Variants in CDKN3 observed in about 807,000 individuals in gnomAD.
CDKN3 encodes cyclin-dependent kinase inhibitor 3.
A neutral mutation model predicts 36.1 loss-of-function variants in CDKN3; 19 were observed. The observed-to-expected ratio is 0.53, with a 90% confidence interval of 0.37 to 0.77. The LOEUF (loss-of-function observed/expected upper bound fraction) is 0.77, where lower values mean the gene tolerates loss of function less well. CDKN3 is among the 30% of genes least tolerant of loss of function. The pLI is 0.00. For synonymous variants in CDKN3, 71 were observed against 85.3 expected, an observed-to-expected ratio of 0.83 and a Z score of 0.92; for missense variants, 188 against 248.6, an observed-to-expected ratio of 0.76 and a Z score of 1.64.
chr14:54,407,825 CT>C (rs1309598821), intron 3 of CDKN3, among the ~76,000 whole-genome samples: 1 of 152,222 alleles, frequency 6.6e-6, no homozygotes, highest in African/African-American at 2.4e-5. Context: ...ACTCAGCTCC[CT>C]GGCTTCAGCC....
At chr14:54,405,932 T>C (rs894067681) in intron 3 of CDKN3, among the ~76,000 whole-genome samples, 2 of 152,218 alleles carry the variant, frequency 1.3e-5, no homozygotes, top group Admixed American at 6.5e-5. Flanking sequence ...CTTCATAGCG[T>C]TGATGGTCTT....
chr14:54,405,205 CTGTT>C (rs2030114117), intron 3 of CDKN3, among the ~76,000 whole-genome samples: 1 of 152,064 alleles, frequency 6.6e-6, no homozygotes, highest in African/African-American at 2.4e-5. Flanking sequence ...GTCTGAGGGA[CTGTT>C]TGTTATGATT....
chr14:54,400,063 A>G (rs1886430996), intron 2 of CDKN3, 87 bp downstream of exon 2: 10 of 735,410 alleles, frequency 1.4e-5, no homozygotes, highest in Non-Finnish European at 2.5e-5. Context: ...TCTTAGTAGA[A>G]TGTAGTTCAC....
Position 54,417,871 on chromosome 14 carries a change from C to T in CDKN3, c.472C>T (p.Leu158=). Reference sequence around the variant, plus strand: ...AGTAGCTGCTTGTCTCCTACTATACCTGTCTGACACAATATCACCAGAGCA... The same window carrying T: ...AGTAGCTGCTTGTCTCCTACTATACTTGTCTGACACAATATCACCAGAGCA... ...CLVAACLLLY[L]SDTISPEQAI... The change falls in exon 7 of 8, where the codon CTG becomes TTG. Residue 158 remains leucine, a synonymous_variant. Coordinates refer to ENST00000335183, the MANE Select transcript of CDKN3 (RefSeq NM_005192.4). The T allele has an allele frequency of 1.3e-6, 2 of 1,595,030 alleles. No homozygotes were observed. Among genetic ancestry groups the T allele is most frequent in the Non-Finnish European group, 1.7e-6 (2 of 1,169,500 alleles).
chr14:54,408,390 A>G (rs2030235818), intron 3 of CDKN3, among the ~76,000 whole-genome samples: 1 of 152,234 alleles, frequency 6.6e-6, no homozygotes, highest in South Asian at 2.1e-4. Context: ...ATGGTGGACT[A>G]TAGTTAAAGG....
chr14:54,419,870 C>A (rs190846566), intron 7 of CDKN3, 122 bp from the exon 8 acceptor site: 20 of 569,274 alleles, frequency 3.5e-5, no homozygotes, highest in East Asian at 1.4e-4. Context: ...CTTCCTTACC[C>A]AAAAAGATGT....
At position 54,420,095 on chromosome 14, in the gene CDKN3, T is replaced by A; in HGVS notation, c.*17T>A. The A allele has an allele frequency of 1.5e-6, 2 of 1,375,810 alleles. No individual in the cohort carries two copies. The highest frequency in any genetic ancestry group is 2.1e-6 in the Non-Finnish European group (2 of 965,336). The allele number at this position is 1,375,810 out of a possible 1,614,324, so 85.2% of individuals were successfully genotyped here. ...TCAAGATAAAGGAATTCAAATAGCA[T>A]ATATATGACCATGTCTGAAATGTCA... On this transcript the variant is annotated 3_prime_UTR_variant, in exon 8 of 8. Coordinates refer to ENST00000335183, the MANE Select transcript of CDKN3 (RefSeq NM_005192.4).
At chr14:54,418,271 TA>T in intron 7 of CDKN3, 1 of 702,296 alleles carries the variant, frequency 1.4e-6, no homozygotes, top group Admixed American at 2.0e-5. Flanking sequence ...TCCTCTCACC[TA>T]GGACAATGAG....
At chr14:54,410,827 C>G (rs924660713) in intron 4 of CDKN3, among the ~76,000 whole-genome samples, 3 of 151,572 alleles carry the variant, frequency 2.0e-5, no homozygotes, top group Admixed American at 1.3e-4. Flanking sequence ...ATTGATAGCA[C>G]TTTTTTTCTT....
Position 54,401,193 on chromosome 14 carries a change from G to C in CDKN3, c.93-331G>C, listed in dbSNP as rs112194681. ...GGATTTCACCTTGTTGTCCAGGCTGGTCTTGAACTCCTGGACTCAAACAGC... is the reference window on the plus strand; with the variant it reads ...GGATTTCACCTTGTTGTCCAGGCTGCTCTTGAACTCCTGGACTCAAACAGC... On this transcript the variant is annotated intron_variant, in intron 2 of 7. Transcript: ENST00000335183. Among the ~76,000 whole-genome samples the C allele has an allele frequency of 1.4e-3, 210 of 152,240 alleles. 2 individuals carry two copies. Among genetic ancestry groups the C allele is most frequent in the African/African-American group, 4.9e-3 (204 of 41,534 alleles).
intron 6 of CDKN3, 56 bp from the exon 7 acceptor site, chr14:54,417,790 GCT>G: frequency 2.2e-6 from 2 of 909,340 alleles, no homozygotes; most frequent in Non-Finnish European, 1.7e-6. Context: ...AATATAAAAT[GCT>G]GTACCCTGTC....
chr14:54,413,923 C>A, intron 5 of CDKN3: 1 of 894,314 alleles, frequency 1.1e-6, no homozygotes, highest in Non-Finnish European at 1.5e-6. Context: ...GATGTAAGTC[C>A]AAAATTAAGA....
intron 1 of CDKN3, 133 bp from the exon 2 acceptor site, chr14:54,399,761 T>C (rs1158922533): frequency 1.5e-6 from 1 of 655,642 alleles, no homozygotes; most frequent in Admixed American, 2.8e-5. Context: ...ATATTGCTGA[T>C]CTCGTTAATA....
intron 2 of CDKN3, among the ~76,000 whole-genome samples, chr14:54,401,095 A>G (rs1851462698): frequency 6.6e-6 from 1 of 152,234 alleles, no homozygotes; most frequent in South Asian, 2.1e-4. Flanking sequence ...CCGGTTGGCA[A>G]TCTAGGCATT....
At chr14:54,402,611 T>C (rs1050887266) in intron 3 of CDKN3, among the ~76,000 whole-genome samples, 24 of 152,324 alleles carry the variant, frequency 1.6e-4, no homozygotes, top group African/African-American at 5.8e-4. Flanking sequence ...GTTTTAGTCA[T>C]GAAGTCTTTG....
intron 3 of CDKN3, among the ~76,000 whole-genome samples, chr14:54,402,271 C>T (rs2029977544): frequency 6.6e-6 from 1 of 150,444 alleles, no homozygotes; most frequent in South Asian, 2.1e-4. Context: ...CATTTTGTTC[C>T]TTTTCATGGC....
At chr14:54,406,218 G>C (rs1452667356) in intron 3 of CDKN3, among the ~76,000 whole-genome samples, 2 of 152,174 alleles carry the variant, frequency 1.3e-5, no homozygotes, top group Non-Finnish European at 2.9e-5. Context: ...CTGTTAATCT[G>C]ATGGGCTTCC....
intron 3 of CDKN3, among the ~76,000 whole-genome samples, chr14:54,402,307 T>C (rs917067665): frequency 1.3e-4 from 12 of 92,036 alleles, no homozygotes; most frequent in South Asian, 7.0e-4. Context: ...GGCATGTGTG[T>C]GCGTGTGTGT....
rs569292668 is a variant in CDKN3 at position 54,411,948 on chromosome 14, G to T, written c.416+242G>T. ...TAGATTTGGAAATTGTTAGAACAAGGTTACAAGCTTTTCTTTTTTATTTCT... is the reference window on the plus strand; with the variant it reads ...TAGATTTGGAAATTGTTAGAACAAGTTTACAAGCTTTTCTTTTTTATTTCT... On this transcript the variant is annotated intron_variant, in intron 5 of 7. Coordinates refer to ENST00000335183, the MANE Select transcript of CDKN3 (RefSeq NM_005192.4). 6 of 565,626 alleles carry T rather than the reference G, an allele frequency of 1.1e-5. No homozygotes were observed. In the East Asian group the frequency reaches 1.5e-4, roughly 14 times the overall value. The allele number at this position is 565,626 out of a possible 1,614,324, so 35.0% of individuals were successfully genotyped here.
Sources: gnomAD v4.1 joint callset for allele counts (sites outside exome capture counted in the v4.1 genomes callset) on GRCh38, gnomAD v4.1.1 for gene constraint, MANE v1.5 for transcripts, NCBI Gene and HGNC (gene_info 2026-07-23, HGNC 2026-07-21) for gene names.